Variants in ARHGAP15 observed in about 807,000 individuals in gnomAD.
ARHGAP15 encodes rho GTPase-activating protein 15.
A neutral mutation model predicts 63.7 loss-of-function variants in ARHGAP15; 51 were observed. The ratio of observed to expected loss-of-function variants is 0.80; its 90% confidence interval spans 0.64 to 1.01. The LOEUF is 1.01. ARHGAP15 is among the 50% of genes least tolerant of loss of function. The pLI is 0.00. For synonymous variants in ARHGAP15, 191 were observed against 193.8 expected, an observed-to-expected ratio of 0.99 and a Z score of 0.12; for missense variants, 560 against 564.6, an observed-to-expected ratio of 0.99 and a Z score of 0.08.
chr2:143,162,449 G>C (rs531380690), intron 2 of ARHGAP15: 18 of 152,090 alleles, frequency 1.2e-4, no homozygotes, highest in African/African-American at 4.1e-4. Context: ...GGGCAGAGCA[G>C]TACTAGAGAT....
In ARHGAP15 at chr2:143,330,436, A is replaced by G. The variant is rs16855252; in HGVS notation, c.474+79836A>G. 9.0e-3 allele frequency among the ~76,000 whole-genome samples: 1,366 copies of G among 152,206 alleles called. 24 individuals carry two copies. Among genetic ancestry groups the G allele is most frequent in the African/African-American group, 0.031 (1,290 of 41,532 alleles). On this transcript the variant is annotated intron_variant, in intron 6 of 13. Transcript: ENST00000295095. ...ACTGTATAAGACAAATACATAAAAT[A>G]CCCATAGTAATTTGTGTTAAGTTTA... is the stretch of plus-strand genomic sequence containing the variant.
intron 6 of ARHGAP15, among the ~76,000 whole-genome samples, chr2:143,339,502 G>T (rs567862584): frequency 6.6e-6 from 1 of 152,210 alleles, no homozygotes; most frequent in South Asian, 2.1e-4. Flanking sequence ...CCTACAAAAA[G>T]AGATGCTGTG....
intron 10 of ARHGAP15, among the ~76,000 whole-genome samples, chr2:143,551,600 A>C (rs1020268274): frequency 6.6e-6 from 1 of 152,160 alleles, no homozygotes; most frequent in Non-Finnish European, 1.5e-5. Context: ...AAAAAAAACT[A>C]TATATTTTTA....
At chr2:143,489,139 AC>A (rs1179384008) in intron 9 of ARHGAP15, among the ~76,000 whole-genome samples, 3 of 152,230 alleles carry the variant, frequency 2.0e-5, no homozygotes, top group Admixed American at 2.0e-4. Context: ...CACGACTGGG[AC>A]AAAATAAAAG....
intron 8 of ARHGAP15, among the ~76,000 whole-genome samples, chr2:143,439,654 T>C (rs5016546): frequency 0.89 from 135,189 of 151,610 alleles, 60,606 homozygotes; most frequent in Middle Eastern, 0.97. Context: ...ATTAGTTACC[T>C]TATTTTATAG....
At chr2:143,536,217 C>T (rs893426175) in intron 10 of ARHGAP15, among the ~76,000 whole-genome samples, 1 of 152,156 alleles carries the variant, frequency 6.6e-6, no homozygotes, top group African/African-American at 2.4e-5. Context: ...CCTAATCATA[C>T]CAGCCTCTAG....
At chr2:143,697,721 G>A (rs1358098583) in intron 12 of ARHGAP15, among the ~76,000 whole-genome samples, 1 of 152,140 alleles carries the variant, frequency 6.6e-6, no homozygotes, top group East Asian at 1.9e-4. Context: ...TCATCCCTGA[G>A]ATGACTCCTC....
intron 6 of ARHGAP15, among the ~76,000 whole-genome samples, chr2:143,353,788 T>C (rs1218524950): frequency 6.6e-6 from 1 of 152,150 alleles, no homozygotes; most frequent in Non-Finnish European, 1.5e-5. Flanking sequence ...TGTGCCAAGA[T>C]TATCCTGCAG....
At chr2:143,414,996 A>C (rs1688613885) in intron 6 of ARHGAP15, among the ~76,000 whole-genome samples, 1 of 152,188 alleles carries the variant, frequency 6.6e-6, no homozygotes, top group Admixed American at 6.5e-5. Context: ...AAACAAAATC[A>C]AGCAAGGATA....
At chr2:143,675,266 C>A (rs1013544235) in intron 12 of ARHGAP15, among the ~76,000 whole-genome samples, 1 of 152,194 alleles carries the variant, frequency 6.6e-6, no homozygotes, top group Admixed American at 6.5e-5. Flanking sequence ...AGTTCCACCA[C>A]ATCTACAGTC....
At chr2:143,721,338 G>C (rs904006696) in intron 13 of ARHGAP15, among the ~76,000 whole-genome samples, 2 of 152,178 alleles carry the variant, frequency 1.3e-5, no homozygotes, top group Non-Finnish European at 2.9e-5. Context: ...AAATGAAGCA[G>C]AAACATGGAG....
At chr2:143,723,656 C>T (rs1297134629) in intron 13 of ARHGAP15, among the ~76,000 whole-genome samples, 1 of 152,188 alleles carries the variant, frequency 6.6e-6, no homozygotes, top group Non-Finnish European at 1.5e-5. Context: ...AGGCACTGTT[C>T]TAGGAGCTTA....
At chr2:143,268,288 A>G (rs1336462533) in intron 6 of ARHGAP15, among the ~76,000 whole-genome samples, 1 of 152,118 alleles carries the variant, frequency 6.6e-6, no homozygotes, top group African/African-American at 2.4e-5. Flanking sequence ...AGTCCCAGTA[A>G]ACCAAGTTGC....
intron 12 of ARHGAP15, among the ~76,000 whole-genome samples, chr2:143,649,749 T>A (rs1681069302): frequency 6.6e-6 from 1 of 151,808 alleles, no homozygotes; most frequent in Non-Finnish European, 1.5e-5. Flanking sequence ...GAAATGAAAA[T>A]GACAAGATTC....
chr2:143,484,831 A>G (rs951645673), intron 8 of ARHGAP15, among the ~76,000 whole-genome samples: 10 of 152,224 alleles, frequency 6.6e-5, no homozygotes. Flanking sequence ...AGTGTTCAAT[A>G]GCCCCAAGTG....
intron 2 of ARHGAP15, among the ~76,000 whole-genome samples, chr2:143,177,246 T>C (rs1691042480): frequency 6.6e-6 from 1 of 152,198 alleles, no homozygotes; most frequent in South Asian, 2.1e-4. Context: ...TCTTTCTCCA[T>C]TAAGTGGGTA....
intron 12 of ARHGAP15, among the ~76,000 whole-genome samples, chr2:143,696,604 A>G (rs1683858506): frequency 6.6e-6 from 1 of 152,150 alleles, no homozygotes; most frequent in Admixed American, 6.6e-5. Flanking sequence ...TCATTTAACA[A>G]ATCCATAAAC....
chr2:143,267,404 A>G (rs1328727932), intron 6 of ARHGAP15, among the ~76,000 whole-genome samples: 1 of 152,210 alleles, frequency 6.6e-6, no homozygotes, highest in Non-Finnish European at 1.5e-5. Flanking sequence ...GTTATTCAAC[A>G]ACATATGTCA....
intron 6 of ARHGAP15, among the ~76,000 whole-genome samples, chr2:143,399,020 A>C (rs1687888018): frequency 6.6e-6 from 1 of 152,098 alleles, no homozygotes; most frequent in Admixed American, 6.6e-5. Flanking sequence ...TCAGGTTGGC[A>C]AGGAGATCCC....
Sources: allele counts gnomAD v4.1 joint callset (sites outside exome capture counted in the v4.1 genomes callset), GRCh38; gene constraint gnomAD v4.1.1; transcripts MANE v1.5; gene names NCBI Gene and HGNC (gene_info 2026-07-23, HGNC 2026-07-21).